PIN4: variants seen among roughly 807,000 people sequenced by gnomAD.
The protein encoded by PIN4 is peptidylprolyl cis/trans isomerase, NIMA-interacting 4, also known as peptidyl-prolyl cis-trans isomerase NIMA-interacting 4.
PIN4 carries 3 observed loss-of-function variants against 8.3 expected under a neutral mutation model. The observed-to-expected ratio is 0.36, with a 90% CI of 0.16 to 0.93. The LOEUF is 0.93. PIN4 is among the 40% of genes least tolerant of loss of function. The probability of loss-of-function intolerance (pLI) is 0.44; values close to 1 mark genes in which losing one functional copy is unlikely to be tolerated. For missense variants in PIN4, 75 were observed against 100.6 expected (o/e 0.75, Z 1.09); for synonymous variants, 18 against 32.5 (o/e 0.55, Z 1.52).
intron 3 of PIN4, chrX:72,205,658 A>C: frequency 8.3e-7 from 1 of 1,212,054 alleles, no homozygotes; most frequent in South Asian, 1.8e-5. Flanking sequence ...GTATCTTTAA[A>C]AGAATCATCT....
At chrX:72,236,758 TATC>T (rs1392937988) in intron 3 of PIN4, among the ~76,000 whole-genome samples, 1 of 112,009 alleles carries the variant, frequency 8.9e-6, no homozygotes, top group Non-Finnish European at 1.9e-5. Flanking sequence ...GTTCATTCAA[TATC>T]ATTTTGCTGC....
chrX:72,250,841 G>T (rs1269771311), intron 3 of PIN4, among the ~76,000 whole-genome samples: 1 of 102,406 alleles, frequency 9.8e-6, no homozygotes, highest in Non-Finnish European at 2.0e-5. Context: ...CAGGGTTCAA[G>T]CAATTCTCCT....
intron 3 of PIN4, among the ~76,000 whole-genome samples, chrX:72,213,163 G>A (rs900430759): frequency 1.8e-4 from 20 of 111,487 alleles, no homozygotes; most frequent in Non-Finnish European, 2.8e-4. Flanking sequence ...ACCCAGTTTT[G>A]AGAGACAGGA....
intron 1 of PIN4, among the ~76,000 whole-genome samples, chrX:72,184,049 TCA>T (rs1465525232): frequency 8.9e-6 from 1 of 112,451 alleles, no homozygotes; most frequent in Non-Finnish European, 1.9e-5. Flanking sequence ...TACATAATCT[TCA>T]CAGTCTGATT....
At chrX:72,203,206 G>C (rs1225651346), downstream of PIN4, among the ~76,000 whole-genome samples, 1 of 112,113 alleles carries the variant, frequency 8.9e-6, no homozygotes, top group Non-Finnish European at 1.9e-5. Flanking sequence ...TGCCTGGAGG[G>C]CATGGACGCT....
chrX:72,262,689 T>A (rs1217360696), intron 3 of PIN4: 2 of 1,083,857 alleles, frequency 1.8e-6, no homozygotes, highest in Non-Finnish European at 2.5e-6. Context: ...ACATTATCAC[T>A]TTCTTTATGT....
At chrX:72,212,807 T>C (rs1445104578) in intron 3 of PIN4, among the ~76,000 whole-genome samples, 1 of 110,929 alleles carries the variant, frequency 9.0e-6, no homozygotes, top group African/African-American at 3.3e-5. Flanking sequence ...TAGCCGGGTT[T>C]GGTGGCATGC....
At chrX:72,207,084 T>G in intron 3 of PIN4, 1 of 1,212,071 alleles carries the variant, frequency 8.3e-7, no homozygotes, top group Non-Finnish European at 1.1e-6. Context: ...GAGCATCAGT[T>G]GCAGGATTCC....
At chrX:72,250,882 G>A (rs1225467994) in intron 3 of PIN4, among the ~76,000 whole-genome samples, 3 of 106,803 alleles carry the variant, frequency 2.8e-5, no homozygotes, top group African/African-American at 1.0e-4. Context: ...TGGAATTACA[G>A]GTGCCCACCA....
At chrX:72,201,541 G>A (rs747626379), downstream of PIN4, among the ~76,000 whole-genome samples, 9 of 111,741 alleles carry the variant, frequency 8.1e-5, no homozygotes, top group African/African-American at 2.6e-4. Context: ...CCCAGGAGGC[G>A]GAGGTTGCAG....
chrX:72,227,299 C>T (rs978254097), intron 3 of PIN4, among the ~76,000 whole-genome samples: 1 of 111,821 alleles, frequency 8.9e-6, no homozygotes. Flanking sequence ...TCAACACTTG[C>T]ACCAGCTCTA....
chrX:72,212,948 A>C (rs917517276), intron 3 of PIN4, among the ~76,000 whole-genome samples: 8 of 111,240 alleles, frequency 7.2e-5, no homozygotes, highest in Non-Finnish European at 1.1e-4. Flanking sequence ...CCTGTCTCAA[A>C]AAAAAAAGAA....
At chrX:72,229,248 C>A (rs1426924422) in intron 3 of PIN4, among the ~76,000 whole-genome samples, 1 of 111,189 alleles carries the variant, frequency 9.0e-6, no homozygotes, top group African/African-American at 3.3e-5. Flanking sequence ...TATTAAACAC[C>A]CCTCTGACCA....
intron 2 of PIN4, among the ~76,000 whole-genome samples, chrX:72,187,108 T>C (rs2042707651): frequency 9.0e-6 from 1 of 111,709 alleles, no homozygotes; most frequent in Non-Finnish European, 1.9e-5. Context: ...GTAATTGAGT[T>C]ATTTCTTAGG....
At chrX:72,208,478 A>G in intron 3 of PIN4, 1 of 1,211,691 alleles carries the variant, frequency 8.3e-7, no homozygotes, top group Non-Finnish European at 1.1e-6. Flanking sequence ...TGGTGCTCAA[A>G]GAGTTGGTTG....
In PIN4 at chrX:72,259,215, CTT is replaced by C. The variant is rs3038606; in HGVS notation, c.313-3473_313-3472del. Among the ~76,000 whole-genome samples, 286 of 90,607 alleles carry C rather than the reference CTT, an allele frequency of 3.2e-3. 2 individuals carry two copies. Among genetic ancestry groups the C allele is most frequent in the African/African-American group, 0.011 (254 of 23,791 alleles). 78.7% of individuals were successfully genotyped at this position (90,607 alleles called of 115,157 possible). On this transcript the variant is annotated intron_variant, in intron 3 of 3. Coordinates refer to the PIN4 transcript ENST00000423432. ...AGCTAACACTCAATAGAGTTTACTA[CTT>C]TTTTTTTTTTTTTTTTTTGAGACGG...
At chrX:72,205,252 G>T in intron 3 of PIN4, 1 of 1,211,364 alleles carries the variant, frequency 8.3e-7, no homozygotes, top group Non-Finnish European at 1.1e-6. Flanking sequence ...ACCAAGAGAG[G>T]TCTCTTGAGC....
intron 2 of PIN4, 123 bp from the exon 3 acceptor site, chrX:72,196,662 T>A: frequency 1.8e-6 from 1 of 541,249 alleles, no homozygotes; most frequent in Non-Finnish European, 2.9e-6. Flanking sequence ...TTCCAGGATT[T>A]TTACTTGCTA....
At chrX:72,201,302 T>C (rs2042789090), downstream of PIN4, among the ~76,000 whole-genome samples, 1 of 112,647 alleles carries the variant, frequency 8.9e-6, no homozygotes. Flanking sequence ...AGTTTTTAAA[T>C]TGTGGCTGGG....
Sources: gnomAD v4.1 joint callset for allele counts (sites outside exome capture counted in the v4.1 genomes callset) on GRCh38, gnomAD v4.1.1 for gene constraint, MANE v1.5 for transcripts, NCBI Gene and HGNC (gene_info 2026-07-23, HGNC 2026-07-21) for gene names.